The following USH1G variants were observed in gnomAD, a reference collection of about 807,000 sequenced individuals.
USH1G encodes the protein USH1 protein network component sans.
USH1G carries 27 observed loss-of-function variants against 31.9 expected under a neutral mutation model. The ratio of observed to expected loss-of-function variants is 0.85; its 90% CI spans 0.62 to 1.17. The LOEUF (loss-of-function observed/expected upper bound fraction) is 1.17, where lower values mean the gene tolerates loss of function less well. Among genes scored for constraint, USH1G ranks in the 50% most tolerant of loss-of-function variants. The pLI is 0.00. For synonymous variants in USH1G, 266 were observed against 283.2 expected (o/e 0.94, Z 0.61); for missense variants, 674 against 638.9 (o/e 1.05, Z -0.59).
At position 74,917,888 on chromosome 17, in the gene USH1G, C is replaced by A. The variant is rs1343114942; in HGVS notation, c.*185G>T. On this transcript the variant is annotated 3_prime_UTR_variant, in exon 3 of 3. Coordinates refer to ENST00000614341, the MANE Select transcript of USH1G (RefSeq NM_173477.5). ...TGGAGTTCCGGAACATTCTCTTGCC[C>A]CTCTGGTGCCTCCAGGCCACACCCT... 11 of 733,668 alleles carry A rather than the reference C, an allele frequency of 1.5e-5. No individual in the cohort carries two copies. Among genetic ancestry groups the A allele is most frequent in the Admixed American group, 6.7e-5 (3 of 44,624 alleles). 45.4% of individuals were successfully genotyped at this position (733,668 alleles called of 1,614,324 possible). A position where few individuals can be genotyped will look rare whatever the true frequency, so the allele number is the denominator to read the frequency against.
chr17:74,919,428 T>TC lies in USH1G; in HGVS notation c.1382+25dup, dbSNP rs780954300. On this transcript the variant is annotated intron_variant, in intron 2 of 2. Transcript: ENST00000614341. The surrounding 1 kb of genome is among the most constrained non-coding windows in gnomAD (Gnocchi z 4.5). The stretch of plus-strand genomic sequence containing the variant: ...GGGCCTTCCAACTCCTGCTCCTCCA[T>TC]CCCCCCCGCCAGGCTGGACACTCAC... The TC allele has an allele frequency of 4.2e-5, 61 of 1,457,306 alleles. No homozygotes were observed. The highest frequency in any genetic ancestry group is 1.5e-4 in the East Asian group (5 of 32,744). 90.3% of individuals were successfully genotyped at this position (1,457,306 alleles called of 1,614,324 possible).
chr17:74,922,756 C>T (rs1179749557), intron 1 of USH1G, among the ~76,000 whole-genome samples, 154 bp downstream of exon 1: 1 of 152,158 alleles, frequency 6.6e-6, no homozygotes, highest in Non-Finnish European at 1.5e-5. Flanking sequence ...CAGATGCCTC[C>T]GCTTGGGTCC....
Position 74,919,742 on chromosome 17 carries a change from T to A in USH1G, c.1094A>T (p.Asp365Val). 6.2e-7 allele frequency: 1 copy of A among 1,612,978 alleles called. No individual in the cohort carries two copies. Among genetic ancestry groups the A allele is most frequent in the Non-Finnish European group, 8.5e-7 (1 of 1,180,012 alleles). The part of the protein sequence containing the change: ...DSLGSANSLQ[D>V]RSCGEELPWD... ...GGGCAGCTCCTCCCCACAGCTGCGG[T>A]CCTGCAGGCTGTTGGCACTGCCCAG... The change falls in exon 2 of 3, where the codon GAC becomes GTC. Residue 365 changes from aspartate (D) to valine (V), a missense_variant. Physicochemically the swap from Asp to Val is radical, Grantham distance 152 (BLOSUM62 -3). Coordinates refer to ENST00000614341, the MANE Select transcript of USH1G (RefSeq NM_173477.5). This position sits in a 1 kb window ranked among gnomAD's most constrained non-coding sequence, Gnocchi z 4.5.
Position 74,923,056 on chromosome 17 carries a change from G to C in USH1G, c.18C>G (p.His6Gln). 2 of 1,586,802 alleles carry C rather than the reference G, an allele frequency of 1.3e-6. No individual in the cohort carries two copies. Among genetic ancestry groups the C allele is most frequent in the South Asian group, 2.3e-5 (2 of 87,490 alleles). ...CCAGGTAGCCATCCCGGGCTGCCCG[G>C]TGGTACTGGTCGTTCATGGCGCCCG... is the stretch of plus-strand genomic sequence containing the variant. The part of the protein sequence containing the change: MNDQY[H>Q]RAARDGYLEL... The change falls in exon 1 of 3, where the codon CAC (histidine) becomes CAG (glutamine). Residue 6 changes from histidine to glutamine, a missense_variant. Coordinates refer to ENST00000614341, the MANE Select transcript of USH1G (RefSeq NM_173477.5). This position sits in a 1 kb window ranked among gnomAD's most constrained non-coding sequence, Gnocchi z 5.3.
chr17:74,920,570 G>A lies in USH1G; in HGVS notation c.266C>T (p.Ala89Val). 1.2e-6 allele frequency: 2 copies of A among 1,613,822 alleles called. No individual in the cohort carries two copies. Among genetic ancestry groups the A allele is most frequent in the Non-Finnish European group, 1.7e-6 (2 of 1,180,024 alleles). Residue 89 changes from alanine (A) to valine (V), a missense_variant, in exon 2 of 3, where the codon GCC (alanine) becomes GTC (valine). Ala to Val is a moderately conservative substitution (Grantham distance 64, BLOSUM62 0). Transcript: ENST00000614341. This position sits in a 1 kb window ranked among gnomAD's most constrained non-coding sequence, Gnocchi z 5.2. ...GTCGTTGTCTAGGCACCAGATGTTG[G>A]CTCCGAAGGACACCAGGAAGGACAG... ...HCLSFLVSFG[A>V]NIWCLDNDYH...
Position 74,920,492 on chromosome 17 carries a change from C to T in USH1G, c.344G>A (p.Arg115His), listed in dbSNP as rs775117744. 13 of 1,613,648 alleles carry T rather than the reference C, an allele frequency of 8.1e-6. No individual in the cohort carries two copies. The East Asian group carries it at 2.5e-4, about 30-fold the overall frequency. ...CTTGGCCGCGATGGAGTCCAGGTAG[C>T]GCACGCATTCCATGTGGCCCTTCAT... is the stretch of plus-strand genomic sequence containing the variant. ...AAMKGHMECV[R>H]YLDSIAAKQS... is the part of the protein sequence containing the mutation. The change falls in exon 2 of 3, where the codon CGC (arginine) becomes CAC (histidine). Residue 115 changes from arginine (R) to histidine (H), a missense_variant. Arg to His is a conservative substitution (Grantham distance 29). Transcript: ENST00000614341. This position sits in a 1 kb window ranked among gnomAD's most constrained non-coding sequence, Gnocchi z 5.2.
In USH1G at chr17:74,920,643, C is replaced by T. The variant is rs2038932216; in HGVS notation, c.193G>A (p.Gly65Ser). The T allele has an allele frequency of 6.2e-7, 1 of 1,613,600 alleles. No individual in the cohort carries two copies. The highest frequency in any genetic ancestry group is 1.3e-5 in the African/African-American group (1 of 74,932). Residue 65 changes from glycine (G) to serine (S), a missense_variant, in exon 2 of 3, where the codon GGC becomes AGC. Gly to Ser is a moderately conservative substitution (Grantham distance 56). Transcript: ENST00000614341. This position sits in a 1 kb window ranked among gnomAD's most constrained non-coding sequence, Gnocchi z 5.2. Reference sequence around the variant, plus strand: ...GCTGCCAGATGCAGGGGTGTGTTGCCCCAGATGTCACACTTGTCCGGGTCA... The same window carrying T: ...GCTGCCAGATGCAGGGGTGTGTTGCTCCAGATGTCACACTTGTCCGGGTCA... Reference protein sequence around the residue: ...GGDPDKCDIWGNTPLHLAASN... With the variant: ...GGDPDKCDIWSNTPLHLAASN...
Position 74,920,383 on chromosome 17 carries a change from G to A in USH1G, c.453C>T (p.Ala151=), listed in dbSNP as rs1317298540. The A allele has an allele frequency of 6.2e-7, 1 of 1,612,868 alleles. No homozygotes were observed. Among genetic ancestry groups the A allele is most frequent in the Non-Finnish European group, 8.5e-7 (1 of 1,179,996 alleles). The change falls in exon 2 of 3, where the codon GCC becomes GCT. Residue 151 remains alanine, a synonymous_variant. Transcript: ENST00000614341. The surrounding 1 kb of genome is among the most constrained non-coding windows in gnomAD (Gnocchi z 5.2). ...GTTCGTGGTGCCTCCGCTGCAGCTTGGCGCACTCGCGGATGCGCCGCTCCG... is the reference window on the plus strand; with the variant it reads ...GTTCGTGGTGCCTCCGCTGCAGCTTAGCGCACTCGCGGATGCGCCGCTCCG... ...REAERRIREC[A]KLQRRHHERM...
chr17:74,923,246 C>T lies in USH1G; in HGVS notation c.-173G>A, dbSNP rs570755897. ...TGCGGAGCGCCAGAGCCGCGACTAC[C>T]AAGACATCTGAAACGCTCACCCGGG... On this transcript the variant is annotated 5_prime_UTR_variant, in exon 1 of 3. An upstream open reading frame in the 5' UTR gains an earlier in-frame stop. Coordinates refer to ENST00000614341, the MANE Select transcript of USH1G (RefSeq NM_173477.5). This position sits in a 1 kb window ranked among gnomAD's most constrained non-coding sequence, Gnocchi z 5.3. 2 of 285,230 alleles carry T rather than the reference C, an allele frequency of 7.0e-6. No individual in the cohort carries two copies. The highest frequency in any genetic ancestry group is 1.2e-5 in the Non-Finnish European group (2 of 165,498). The allele number at this position is 285,230 out of a possible 1,614,324, so 17.7% of individuals were successfully genotyped here.
Position 74,917,897 on chromosome 17 carries a change from C to G in USH1G, c.*176G>C. 1.3e-6 allele frequency: 1 copy of G among 785,088 alleles called. No individual in the cohort carries two copies. Among genetic ancestry groups the G allele is most frequent in the East Asian group, 2.7e-5 (1 of 37,150 alleles). 48.6% of individuals were successfully genotyped at this position (785,088 alleles called of 1,614,324 possible). A position where few individuals can be genotyped will look rare whatever the true frequency, so the allele number is the denominator to read the frequency against. ...GGAACATTCTCTTGCCCCTCTGGTGCCTCCAGGCCACACCCTCAGCTTCAA... is the reference window on the plus strand; with the variant it reads ...GGAACATTCTCTTGCCCCTCTGGTGGCTCCAGGCCACACCCTCAGCTTCAA... On this transcript the variant is annotated 3_prime_UTR_variant, in exon 3 of 3. Coordinates refer to ENST00000614341, the MANE Select transcript of USH1G (RefSeq NM_173477.5).
intron 1 of USH1G, among the ~76,000 whole-genome samples, chr17:74,922,355 GGA>G (rs1300022629): frequency 2.0e-5 from 3 of 151,936 alleles, no homozygotes; most frequent in Non-Finnish European, 4.4e-5. Context: ...GGAGGGACTT[GGA>G]GAGAGTTAAT....
rs373170645 is a variant in USH1G, at chr17:74,919,845, G to A, written c.991C>T (p.Arg331Cys). Reference sequence around the variant, plus strand: ...ACCCCATCCAGACCCCCATCCTCGCGGCCCAGTCCGTGCAGCCCACTGCTC... The same window carrying A: ...ACCCCATCCAGACCCCCATCCTCGCAGCCCAGTCCGTGCAGCCCACTGCTC... ...YLSSGLHGLG[R>C]EDGGLDGVGA... Residue 331 changes from arginine to cysteine, a missense_variant, in exon 2 of 3, where the codon CGC becomes TGC. Coordinates refer to ENST00000614341, the MANE Select transcript of USH1G (RefSeq NM_173477.5). This position sits in a 1 kb window ranked among gnomAD's most constrained non-coding sequence, Gnocchi z 4.5. 4 of 1,612,806 alleles carry A rather than the reference G, an allele frequency of 2.5e-6. No individual in the cohort carries two copies. The African/African-American group carries it at 4.0e-5, about 16-fold the overall frequency.
At position 74,920,753 on chromosome 17, in the gene USH1G, C is replaced by A; in HGVS notation, c.165-82G>T. The stretch of plus-strand genomic sequence containing the variant: ...GGAGGGAGTGGAGGGGGGAGGGGAG[C>A]TTCCCCACTGTCACAGCAACCCCCA... On this transcript the variant is annotated intron_variant, in intron 1 of 2. Transcript: ENST00000614341. The surrounding 1 kb of genome is among the most constrained non-coding windows in gnomAD (Gnocchi z 5.2). 6.4e-7 allele frequency: 1 copy of A among 1,568,198 alleles called. No individual in the cohort carries two copies. Among genetic ancestry groups the A allele is most frequent in the Non-Finnish European group, 8.7e-7 (1 of 1,153,244 alleles).
chr17:74,919,911 G>A lies in USH1G; in HGVS notation c.925C>T (p.Arg309Cys), dbSNP rs876658113. 6.2e-7 allele frequency: 1 copy of A among 1,613,158 alleles called. No homozygotes were observed. The highest frequency in any genetic ancestry group is 1.3e-5 in the African/African-American group (1 of 75,062). Residue 309 changes from arginine (R) to cysteine (C), a missense_variant, in exon 2 of 3, where the codon CGC (arginine) becomes TGC (cysteine). By Grantham distance (180) the Arg-to-Cys change is radical (BLOSUM62 -3). Coordinates refer to ENST00000614341, the MANE Select transcript of USH1G (RefSeq NM_173477.5). This position sits in a 1 kb window ranked among gnomAD's most constrained non-coding sequence, Gnocchi z 4.5. ...AACACCATGGTGCCCAGGCCGGGGC[G>A]GGTAAACAGGGAGTCGTGGCCTGAG... Reference protein sequence around the residue: ...TDSGHDSLFTRPGLGTMVFRR... With the variant: ...TDSGHDSLFTCPGLGTMVFRR...
chr17:74,922,366 A>G (rs1303200258), intron 1 of USH1G, among the ~76,000 whole-genome samples: 7 of 152,076 alleles, frequency 4.6e-5, no homozygotes, highest in Admixed American at 4.6e-4. Context: ...GAGAGAGTTA[A>G]TGGAGTGGCT....
Position 74,919,523 on chromosome 17 carries a change from T to C in USH1G, c.1313A>G (p.Lys438Arg). 6.2e-7 allele frequency: 1 copy of C among 1,611,810 alleles called. No individual in the cohort carries two copies. The highest frequency in any genetic ancestry group is 8.5e-7 in the Non-Finnish European group (1 of 1,179,774). ...SISVPLGPRK[K>R]ILGAVRRRRQ... ...CCGCCTCCTCACGGCCCCCAAGATC[T>C]TCTTTCGGGGCCCCAGTGGGACGCT... The change falls in exon 2 of 3, where the codon AAG becomes AGG. Residue 438 changes from lysine to arginine, a missense_variant. By Grantham distance (26) the Lys-to-Arg change is conservative. Coordinates refer to ENST00000614341, the MANE Select transcript of USH1G (RefSeq NM_173477.5). This position sits in a 1 kb window ranked among gnomAD's most constrained non-coding sequence, Gnocchi z 4.5.
At position 74,919,931 on chromosome 17, in the gene USH1G, C is replaced by G; in HGVS notation, c.905G>C (p.Gly302Ala). 6.2e-7 allele frequency: 1 copy of G among 1,612,824 alleles called. No individual in the cohort carries two copies. The highest frequency in any genetic ancestry group is 8.5e-7 in the Non-Finnish European group (1 of 1,179,712). Residue 302 changes from glycine (G) to alanine (A), a missense_variant, in exon 2 of 3, where the codon GGC becomes GCC. Coordinates refer to ENST00000614341, the MANE Select transcript of USH1G (RefSeq NM_173477.5). This position sits in a 1 kb window ranked among gnomAD's most constrained non-coding sequence, Gnocchi z 4.5. Reference protein sequence around the residue: ...PAHSEVSTDSGHDSLFTRPGL... With the variant: ...PAHSEVSTDSAHDSLFTRPGL... ...GGGGCGGGTAAACAGGGAGTCGTGGCCTGAGTCGGTGCTGACCTCCGAGTG... is the reference window on the plus strand; with the variant it reads ...GGGGCGGGTAAACAGGGAGTCGTGGGCTGAGTCGGTGCTGACCTCCGAGTG...
rs1234546704 is a variant in USH1G at position 74,917,893 on chromosome 17, G to C, written c.*180C>G. ...TTCCGGAACATTCTCTTGCCCCTCT[G>C]GTGCCTCCAGGCCACACCCTCAGCT... On this transcript the variant is annotated 3_prime_UTR_variant, in exon 3 of 3. Coordinates refer to ENST00000614341, the MANE Select transcript of USH1G (RefSeq NM_173477.5). 1 of 760,508 alleles carries C rather than the reference G, an allele frequency of 1.3e-6. No individual in the cohort carries two copies. The highest frequency in any genetic ancestry group is 2.7e-5 in the East Asian group (1 of 37,036). 47.1% of individuals were successfully genotyped at this position (760,508 alleles called of 1,614,324 possible). A position where few individuals can be genotyped will look rare whatever the true frequency, so the allele number is the denominator to read the frequency against.
Position 74,917,946 on chromosome 17 carries a change from G to C in USH1G, c.*127C>G. The C allele has an allele frequency of 8.1e-7, 1 of 1,235,708 alleles. No homozygotes were observed. Among genetic ancestry groups the C allele is most frequent in the Non-Finnish European group, 1.2e-6 (1 of 853,424 alleles). 76.5% of individuals were successfully genotyped at this position (1,235,708 alleles called of 1,614,324 possible). Reference sequence around the variant, plus strand: ...AAGGTGCAGACAGACTTTCAAAGGAGTCGCCCCAACTGGTCCTTGCTCCTG... The same window carrying C: ...AAGGTGCAGACAGACTTTCAAAGGACTCGCCCCAACTGGTCCTTGCTCCTG... On this transcript the variant is annotated 3_prime_UTR_variant, in exon 3 of 3. Transcript: ENST00000614341.
Sources: gnomAD v4.1 joint callset for allele counts (sites outside exome capture counted in the v4.1 genomes callset) on GRCh38, gnomAD v4.1.1 for gene constraint, Gnocchi (gnomAD v3.1) non-coding constraint, MANE v1.5 for transcripts, NCBI Gene and HGNC (gene_info 2026-07-23, HGNC 2026-07-21) for gene names.